The following PALM2AKAP2 variants were observed in gnomAD, a reference collection of about 807,000 sequenced individuals.
PALM2AKAP2 encodes PALM2 and AKAP2 fusion, also known as PALM2-AKAP2 fusion protein.
In PALM2AKAP2, 37 loss-of-function variants were observed where a neutral mutation model predicts 71.5. That is an observed-to-expected ratio of 0.52 (90% CI 0.40 to 0.68). The LOEUF is 0.68. PALM2AKAP2 is among the 30% of genes least tolerant of loss of function. The pLI, the probability that PALM2AKAP2 is intolerant of heterozygous loss-of-function variation, is 0.00. For missense variants in PALM2AKAP2, 1,224 were observed against 1,191.8 expected, an observed-to-expected ratio of 1.03 and a Z score of -0.40; for synonymous variants, 468 against 478.8, an observed-to-expected ratio of 0.98 and a Z score of 0.29.
chr9:110,125,089 G>A (rs1835567282), intron 1 of PALM2AKAP2, among the ~76,000 whole-genome samples: 1 of 152,120 alleles, frequency 6.6e-6, no homozygotes, highest in Admixed American at 6.5e-5. Context: ...CCACATGCAT[G>A]TACACACGCA....
At position 110,023,305 on chromosome 9, in the gene PALM2AKAP2, C is replaced by CTTTTTTTTTTTT. The variant is rs149672913; in HGVS notation, c.582+7281_582+7292dup. Among the ~76,000 whole-genome samples the CTTTTTTTTTTTT allele has an allele frequency of 3.2e-3, 237 of 74,040 alleles. 29 individuals carry two copies. Among genetic ancestry groups the CTTTTTTTTTTTT allele is most frequent in the African/African-American group, 9.9e-3 (161 of 16,182 alleles). The allele number at this position is 74,040 out of a possible 152,430, so 48.6% of individuals were successfully genotyped here. ...GTGAGATGGTATCTCATTGTGGTTTCTTTTTTTTTTTTTTTTTTTTTTTTT... is the reference window on the plus strand; with the variant it reads ...GTGAGATGGTATCTCATTGTGGTTTCTTTTTTTTTTTTTTTTTTTTTTTTTTTTTTTTTTTTT... On this transcript the variant is annotated intron_variant, in intron 7 of 9. Coordinates refer to the PALM2AKAP2 transcript ENST00000302798.
upstream of PALM2AKAP2, among the ~76,000 whole-genome samples, chr9:110,048,185 T>G (rs1383773306): frequency 1.3e-5 from 2 of 152,170 alleles, no homozygotes; most frequent in Admixed American, 1.3e-4. Context: ...GCTCTGACCC[T>G]GAGGACAGTC....
At chr9:109,996,906 G>T (rs1321060151) in intron 6 of PALM2AKAP2, among the ~76,000 whole-genome samples, 1 of 152,184 alleles carries the variant, frequency 6.6e-6, no homozygotes, top group Non-Finnish European at 1.5e-5. Flanking sequence ...AAGAACATAT[G>T]GGCCAGGTGT....
At chr9:109,828,182 G>A (rs915808279) in intron 1 of PALM2AKAP2, among the ~76,000 whole-genome samples, 5 of 152,224 alleles carry the variant, frequency 3.3e-5, no homozygotes, top group African/African-American at 1.2e-4. Flanking sequence ...GGGTGAGACA[G>A]AAGTGGTGTC....
In PALM2AKAP2 at chr9:109,695,525, G is replaced by A. The variant is rs145076628; in HGVS notation, c.5+54659G>A. ...TGAGAGGGTATCTTACTACGGTTTT[G>A]ATTTGCGTTTCCCTGATGATTAGTG... On this transcript the variant is annotated intron_variant, in intron 1 of 6. Coordinates refer to the PALM2AKAP2 transcript ENST00000374531. 9.4e-4 allele frequency among the ~76,000 whole-genome samples: 143 copies of A among 152,166 alleles called. 1 individual carries two copies. Among genetic ancestry groups the A allele is most frequent in the Admixed American group, 2.3e-3 (35 of 15,290 alleles).
intron 1 of PALM2AKAP2, among the ~76,000 whole-genome samples, chr9:109,701,077 G>A: frequency 6.6e-6 from 1 of 152,128 alleles, no homozygotes; most frequent in East Asian, 1.9e-4. Context: ...AATTTTAAGA[G>A]ATAATGTAAG....
At chr9:109,708,175 A>G (rs1828172088) in intron 1 of PALM2AKAP2, among the ~76,000 whole-genome samples, 2 of 152,162 alleles carry the variant, frequency 1.3e-5, no homozygotes, top group African/African-American at 4.8e-5. Context: ...CCTACTGTTT[A>G]GGTGATCAGA....
At chr9:110,021,050 G>A (rs908574584) in intron 7 of PALM2AKAP2, among the ~76,000 whole-genome samples, 3 of 150,980 alleles carry the variant, frequency 2.0e-5, no homozygotes, top group African/African-American at 4.9e-5. Context: ...ATGTTGCAGT[G>A]AGCTGAGATC....
chr9:109,894,750 T>A (rs1196025456), intron 3 of PALM2AKAP2, among the ~76,000 whole-genome samples: 1 of 152,116 alleles, frequency 6.6e-6, no homozygotes, highest in African/African-American at 2.4e-5. Flanking sequence ...ATGGCAAAGA[T>A]GACTATGTGC....
At chr9:110,054,373 T>A (rs1352598549) in intron 1 of PALM2AKAP2, among the ~76,000 whole-genome samples, 2 of 151,686 alleles carry the variant, frequency 1.3e-5, no homozygotes, top group Non-Finnish European at 2.9e-5. Context: ...CACTCCAGCC[T>A]GGGCAACAAG....
chr9:110,156,308 T>A lies in PALM2AKAP2; in HGVS notation c.2570-11T>A. ...AAGCTTAGAAAGGGTATTTTCTTCG[T>A]GTTGTTTCAGGGAAAATAGAGAAAG... On this transcript the variant is annotated splice_polypyrimidine_tract_variant and intron_variant, in intron 2 of 3. Coordinates refer to ENST00000374525, the Ensembl canonical transcript of PALM2AKAP2. The A allele has an allele frequency of 6.4e-7, 1 of 1,559,620 alleles. No individual in the cohort carries two copies. Among genetic ancestry groups the A allele is most frequent in the East Asian group, 2.3e-5 (1 of 43,988 alleles).
At chr9:109,907,380 T>C (rs975305185) in intron 3 of PALM2AKAP2, among the ~76,000 whole-genome samples, 3 of 152,210 alleles carry the variant, frequency 2.0e-5, no homozygotes, top group South Asian at 2.1e-4. Context: ...TTCCAAGACC[T>C]GAAAGACTCA....
chr9:109,988,959 A>T (rs1248818524), intron 6 of PALM2AKAP2, among the ~76,000 whole-genome samples: 2 of 152,036 alleles, frequency 1.3e-5, no homozygotes, highest in African/African-American at 4.8e-5. Flanking sequence ...CTTGGCTCTC[A>T]TTCTCTCTTG....
At chr9:109,739,014 A>G (rs911501142) in intron 1 of PALM2AKAP2, among the ~76,000 whole-genome samples, 1 of 152,212 alleles carries the variant, frequency 6.6e-6, no homozygotes. Context: ...GCTGTCTCAT[A>G]TTTGAACAAT....
intron 1 of PALM2AKAP2, among the ~76,000 whole-genome samples, chr9:110,061,514 A>G (rs1198159767): frequency 3.3e-5 from 5 of 151,756 alleles, no homozygotes; most frequent in Non-Finnish European, 7.4e-5. Flanking sequence ...TTGATAATGA[A>G]TGTTGACTGA....
chr9:110,098,389 T>G (rs1267393249), intron 1 of PALM2AKAP2, among the ~76,000 whole-genome samples: 1 of 152,196 alleles, frequency 6.6e-6, no homozygotes, highest in African/African-American at 2.4e-5. Context: ...CATTCATTCA[T>G]TTATTCAACA....
intron 1 of PALM2AKAP2, among the ~76,000 whole-genome samples, chr9:109,708,946 G>A (rs1828184112): frequency 6.6e-6 from 1 of 152,172 alleles, no homozygotes; most frequent in South Asian, 2.1e-4. Flanking sequence ...AGAATTCAGA[G>A]GACTGGGCCA....
chr9:109,677,003 T>C (rs577168464), intron 1 of PALM2AKAP2, among the ~76,000 whole-genome samples: 17 of 152,132 alleles, frequency 1.1e-4, no homozygotes, highest in Non-Finnish European at 2.4e-4. Context: ...ATGAGTTGAG[T>C]GCATGAGAGG....
At chr9:109,656,844 C>T (rs911894478) in intron 1 of PALM2AKAP2, among the ~76,000 whole-genome samples, 1 of 152,192 alleles carries the variant, frequency 6.6e-6, no homozygotes, top group Admixed American at 6.5e-5. Flanking sequence ...AATAGACAAA[C>T]ACACTGTGAT....
Sources: gnomAD v4.1 joint callset for allele counts (sites outside exome capture counted in the v4.1 genomes callset) on GRCh38, gnomAD v4.1.1 for gene constraint, MANE v1.5 for transcripts, NCBI Gene and HGNC (gene_info 2026-07-23, HGNC 2026-07-21) for gene names.